Variants in ZNF609 observed in about 807,000 individuals in gnomAD.
ZNF609 encodes the protein zinc finger protein 609.
A neutral mutation model predicts 109.5 loss-of-function variants in ZNF609; 11 were observed. That is an observed-to-expected ratio of 0.10 (90% confidence interval 0.06 to 0.17). The LOEUF (loss-of-function observed/expected upper bound fraction) is 0.17. Ranked by LOEUF, ZNF609 falls within the 10% of genes least tolerant of loss-of-function variation. The probability of loss-of-function intolerance (pLI) is 1.00; values close to 1 mark genes in which losing one functional copy is unlikely to be tolerated. For missense variants in ZNF609, 1,559 were observed against 1,772.4 expected (o/e 0.88, Z 2.16); for synonymous variants, 646 against 662.0 (o/e 0.98, Z 0.37).
intron 3 of ZNF609, among the ~76,000 whole-genome samples, chr15:64,650,175 C>T (rs1302165025): frequency 2.0e-5 from 3 of 150,724 alleles, no homozygotes; most frequent in East Asian, 1.9e-4. Flanking sequence ...AGGCCGAGGC[C>T]GGTGGATTTC....
chr15:64,578,670 C>T (rs1364575889), intron 2 of ZNF609, among the ~76,000 whole-genome samples: 1 of 152,008 alleles, frequency 6.6e-6, no homozygotes, highest in Non-Finnish European at 1.5e-5. Context: ...CTAGCCTGGG[C>T]GACGGAACAA....
At chr15:64,607,551 C>G (rs1471810653) in intron 2 of ZNF609, among the ~76,000 whole-genome samples, 1 of 145,266 alleles carries the variant, frequency 6.9e-6, no homozygotes, top group Admixed American at 7.0e-5. Context: ...GTTGCCCAGG[C>G]TGGGGTGCAG....
intron 1 of ZNF609, among the ~76,000 whole-genome samples, chr15:64,494,089 T>C (rs1350051168): frequency 6.6e-6 from 1 of 152,150 alleles, no homozygotes; most frequent in Non-Finnish European, 1.5e-5. Context: ...TTACGAAAAC[T>C]CTTCACTCTC....
chr15:64,511,739 G>C (rs1235670467), intron 2 of ZNF609, among the ~76,000 whole-genome samples: 1 of 141,828 alleles, frequency 7.1e-6, no homozygotes, highest in African/African-American at 2.6e-5. Flanking sequence ...TTTTGAGACT[G>C]AGTCTCGCTC....
intron 3 of ZNF609, among the ~76,000 whole-genome samples, chr15:64,661,093 C>T (rs2141004729): frequency 6.6e-6 from 1 of 152,246 alleles, no homozygotes; most frequent in South Asian, 2.1e-4. Flanking sequence ...TCCCAAGTAG[C>T]TGGGACTACA....
chr15:64,663,952 G>C (rs919870413), intron 3 of ZNF609, among the ~76,000 whole-genome samples: 6 of 151,910 alleles, frequency 3.9e-5, no homozygotes, highest in African/African-American at 1.5e-4. Flanking sequence ...AACCTGGCCA[G>C]TCGTGGTGGC....
intron 2 of ZNF609, among the ~76,000 whole-genome samples, chr15:64,595,496 A>C (rs1191382762): frequency 6.6e-6 from 1 of 152,106 alleles, no homozygotes; most frequent in African/African-American, 2.4e-5. Flanking sequence ...ACATCATTTG[A>C]GCCCGTACAT....
intron 2 of ZNF609, among the ~76,000 whole-genome samples, chr15:64,514,641 C>CTTTT (rs749141532): frequency 6.9e-6 from 1 of 144,122 alleles, no homozygotes; most frequent in Non-Finnish European, 1.5e-5. Context: ...CTAAACTATG[C>CTTTT]TTTTTTTTTT....
chr15:64,614,132 G>C (rs1170137225), intron 2 of ZNF609, among the ~76,000 whole-genome samples: 2 of 151,452 alleles, frequency 1.3e-5, no homozygotes, highest in East Asian at 2.0e-4. Context: ...TGTTGGCCGG[G>C]CTACTCTCGA....
chr15:64,473,191 CTTTTTTT>C (rs951319279), intron 1 of ZNF609, among the ~76,000 whole-genome samples: 46 of 76,066 alleles, frequency 6.0e-4, no homozygotes, highest in African/African-American at 2.7e-3. Flanking sequence ...ATATTTGGTT[CTTTTTTT>C]TTTTTTTTTT....
intron 4 of ZNF609, among the ~76,000 whole-genome samples, chr15:64,673,499 T>C (rs1193571625): frequency 1.3e-5 from 2 of 152,200 alleles, no homozygotes; most frequent in Non-Finnish European, 2.9e-5. Context: ...CATAGTGAGG[T>C]ATGTAAGAAA....
chr15:64,524,104 C>T (rs1251206108), intron 2 of ZNF609, among the ~76,000 whole-genome samples: 1 of 148,486 alleles, frequency 6.7e-6, no homozygotes, highest in Non-Finnish European at 1.5e-5. Flanking sequence ...GTGGTTTATA[C>T]TATATTCACA....
At chr15:64,495,046 C>T (rs1402532447) in intron 1 of ZNF609, among the ~76,000 whole-genome samples, 1 of 151,940 alleles carries the variant, frequency 6.6e-6, no homozygotes, top group Non-Finnish European at 1.5e-5. Context: ...CTCCAGCTAC[C>T]GTTTCAGAAA....
intron 2 of ZNF609, among the ~76,000 whole-genome samples, chr15:64,582,108 A>G (rs1251645382): frequency 6.6e-6 from 1 of 152,134 alleles, no homozygotes; most frequent in Non-Finnish European, 1.5e-5. Flanking sequence ...TACTACTCCC[A>G]TAGTCGTACT....
intron 2 of ZNF609, among the ~76,000 whole-genome samples, chr15:64,612,627 CT>C (rs60895709): frequency 0.075 from 9,885 of 132,120 alleles, 464 homozygotes; most frequent in African/African-American, 0.13. Flanking sequence ...CCAGGAGCCT[CT>C]TTTTTTTTTT....
At chr15:64,563,336 G>C (rs1427777661) in intron 2 of ZNF609, among the ~76,000 whole-genome samples, 1 of 282 alleles carries the variant, frequency 3.5e-3, no homozygotes, top group Non-Finnish European at 0.019. Context: ...TGTAGTCCCA[G>C]CTCCCTCGGG....
Position 64,558,355 on chromosome 15 carries a change from C to A in ZNF609, c.747+58189C>A, listed in dbSNP as rs75472911. 7.5e-3 allele frequency among the ~76,000 whole-genome samples: 1,142 copies of A among 152,258 alleles called. 19 individuals are homozygous for A. The highest frequency in any genetic ancestry group is 0.027 in the African/African-American group (1,101 of 41,526). On this transcript the variant is annotated intron_variant, in intron 2 of 9. Transcript: ENST00000326648. ...TGGCAGTTTACTTTATCTCTCAAAGCCTCAATTTCCTCATCTATACAATGT... is the reference window on the plus strand; with the variant it reads ...TGGCAGTTTACTTTATCTCTCAAAGACTCAATTTCCTCATCTATACAATGT...
At chr15:64,594,299 A>G (rs965765457) in intron 2 of ZNF609, among the ~76,000 whole-genome samples, 5 of 152,036 alleles carry the variant, frequency 3.3e-5, no homozygotes, top group African/African-American at 1.2e-4. Flanking sequence ...TTTTAAATTA[A>G]AACCAGAAAA....
chr15:64,477,931 C>A (rs11637915), intron 1 of ZNF609, among the ~76,000 whole-genome samples: 132,054 of 152,154 alleles, frequency 0.87, 58,528 homozygotes, highest in East Asian at 0.96. Context: ...TGCCTGGCTG[C>A]ATATCTTATT....
Sources: allele counts gnomAD v4.1 joint callset (sites outside exome capture counted in the v4.1 genomes callset), GRCh38; gene constraint gnomAD v4.1.1; transcripts MANE v1.5; gene names NCBI Gene and HGNC (gene_info 2026-07-23, HGNC 2026-07-21).